The following MGMT variants were observed in gnomAD, a reference collection of about 807,000 sequenced individuals.
MGMT encodes the protein O-6-methylguanine-DNA methyltransferase, also known as methylated-DNA--protein-cysteine methyltransferase.
In MGMT, 14 loss-of-function variants were observed where a neutral mutation model predicts 15.9. The observed-to-expected ratio is 0.88, with a 90% CI of 0.58 to 1.37. The LOEUF is 1.37. Ranked by LOEUF, MGMT falls within the 40% of genes most tolerant of loss-of-function variation. The pLI is 0.00. For missense variants in MGMT, 282 were observed against 268.1 expected (o/e 1.05, Z -0.36); for synonymous variants, 130 against 118.2 (o/e 1.10, Z -0.65).
chr10:129,600,610 A>T (rs2133060843), intron 2 of MGMT, among the ~76,000 whole-genome samples: 1 of 152,328 alleles, frequency 6.6e-6, no homozygotes, highest in Admixed American at 6.5e-5. Flanking sequence ...AACACCCATT[A>T]CTTTCATTGG....
rs11016900 is a variant in MGMT, at chr10:129,733,813, G to T, written c.275-25389G>T. Among the ~76,000 whole-genome samples the T allele has an allele frequency of 6.6e-5, 10 of 152,302 alleles. No individual in the cohort carries two copies. The East Asian group carries it at 1.7e-3, about 26-fold the overall frequency. The stretch of plus-strand genomic sequence containing the variant: ...TTTTCCCAGCACCATTTATTAAATA[G>T]GGAATACTTTCCCCATTGCTTGTTT... On this transcript the variant is annotated intron_variant, in intron 3 of 4. Coordinates refer to ENST00000651593, the MANE Select transcript of MGMT (RefSeq NM_002412.5).
intron 1 of MGMT, among the ~76,000 whole-genome samples, chr10:129,511,455 T>C (rs2119698702): frequency 6.7e-6 from 1 of 150,046 alleles, no homozygotes; most frequent in African/African-American, 2.5e-5. Context: ...CTTCATGTGA[T>C]GGGAACCCCG....
At chr10:129,747,729 C>A (rs1057288631) in intron 3 of MGMT, among the ~76,000 whole-genome samples, 3 of 152,128 alleles carry the variant, frequency 2.0e-5, no homozygotes, top group Non-Finnish European at 4.4e-5. Flanking sequence ...TACCTACTGC[C>A]CTTCTTCCAT....
intron 2 of MGMT, among the ~76,000 whole-genome samples, chr10:129,644,243 C>G (rs1012200108): frequency 6.6e-6 from 1 of 152,222 alleles, no homozygotes; most frequent in Non-Finnish European, 1.5e-5. Context: ...AACTCTCTAG[C>G]AAATCCTAGA....
Position 129,667,599 on chromosome 10 carries a change from C to G in MGMT, c.126-40296C>G, listed in dbSNP as rs189113248. On this transcript the variant is annotated intron_variant, in intron 2 of 4. Transcript: ENST00000651593. Reference sequence around the variant, plus strand: ...TGCCTGTGGTCATTCCTGCCTGCCTCTTGATGCACACAGGCACGCATTTCT... The same window carrying G: ...TGCCTGTGGTCATTCCTGCCTGCCTGTTGATGCACACAGGCACGCATTTCT... Among the ~76,000 whole-genome samples, 181 of 152,280 alleles carry G rather than the reference C, an allele frequency of 1.2e-3. 1 individual carries two copies. The highest frequency in any genetic ancestry group is 2.3e-3 in the Non-Finnish European group (159 of 68,024).
chr10:129,735,686 T>C (rs1436004842), intron 3 of MGMT, among the ~76,000 whole-genome samples: 2 of 113,390 alleles, frequency 1.8e-5, no homozygotes, highest in Non-Finnish European at 3.6e-5. Flanking sequence ...CTGCTTTCTC[T>C]TGTGGGCATT....
intron 1 of MGMT, among the ~76,000 whole-genome samples, chr10:129,531,795 T>TG (rs1172114078): frequency 3.9e-5 from 1 of 25,776 alleles, no homozygotes; most frequent in Non-Finnish European, 8.1e-5. Context: ...TGGGGGGGGG[T>TG]GGGGGTTTGT....
intron 2 of MGMT, among the ~76,000 whole-genome samples, chr10:129,594,910 C>G (rs907488938): frequency 6.6e-6 from 1 of 152,210 alleles, no homozygotes; most frequent in Non-Finnish European, 1.5e-5. Context: ...TGCCGGCACA[C>G]CCGTCACGCC....
intron 2 of MGMT, among the ~76,000 whole-genome samples, chr10:129,573,102 C>G (rs1432970931): frequency 1.3e-5 from 2 of 151,912 alleles, no homozygotes; most frequent in Non-Finnish European, 2.9e-5. Context: ...AACATTTTTC[C>G]TTATTTTCAT....
At chr10:129,598,526 A>G (rs1282468675) in intron 2 of MGMT, among the ~76,000 whole-genome samples, 2 of 152,182 alleles carry the variant, frequency 1.3e-5, no homozygotes, top group Non-Finnish European at 2.9e-5. Flanking sequence ...AGGAAGTTAA[A>G]GTGGAAAACT....
chr10:129,733,439 A>T (rs895708666), intron 3 of MGMT, among the ~76,000 whole-genome samples: 5 of 150,156 alleles, frequency 3.3e-5, no homozygotes, highest in Middle Eastern at 6.9e-3. Context: ...GTTTGAGTTC[A>T]TTGTAGATTC....
chr10:129,756,502 C>G lies in MGMT; in HGVS notation c.275-2700C>G, dbSNP rs557654309. 7.2e-5 allele frequency among the ~76,000 whole-genome samples: 11 copies of G among 152,304 alleles called. No individual in the cohort carries two copies. In the East Asian group the frequency reaches 2.1e-3, roughly 29 times the overall value. ...TTTTGTTTTTTGAGACGGAGTCTCG[C>G]TCTGTCGCCCAGGCTGGAGCGCAGT... On this transcript the variant is annotated intron_variant, in intron 3 of 4. Coordinates refer to ENST00000651593, the MANE Select transcript of MGMT (RefSeq NM_002412.5).
At chr10:129,732,180 G>A (rs1001160709) in intron 3 of MGMT, among the ~76,000 whole-genome samples, 2 of 151,934 alleles carry the variant, frequency 1.3e-5, no homozygotes, top group Non-Finnish European at 2.9e-5. Context: ...TATACTTTAA[G>A]TTCTAGGGTA....
chr10:129,669,073 GT>G (rs1042235948), intron 2 of MGMT, among the ~76,000 whole-genome samples: 5 of 152,296 alleles, frequency 3.3e-5, no homozygotes, highest in Admixed American at 1.3e-4. Context: ...TTCCTTAAGT[GT>G]TTGTTGGAGC....
intron 2 of MGMT, among the ~76,000 whole-genome samples, chr10:129,634,390 A>G (rs574274793): frequency 2.0e-5 from 3 of 152,314 alleles, no homozygotes; most frequent in South Asian, 4.1e-4. Flanking sequence ...GTTTGCATCA[A>G]ATTGGAAAAT....
chr10:129,641,007 C>T (rs1847322360), intron 2 of MGMT, among the ~76,000 whole-genome samples: 1 of 152,160 alleles, frequency 6.6e-6, no homozygotes. Flanking sequence ...CTTCCTACAG[C>T]TATTCAGTGG....
At chr10:129,530,924 C>A (rs1320154122) in intron 1 of MGMT, among the ~76,000 whole-genome samples, 3 of 152,210 alleles carry the variant, frequency 2.0e-5, no homozygotes, top group South Asian at 2.1e-4. Context: ...GCTGCCCACA[C>A]TCTCCCCCCG....
In MGMT at chr10:129,533,175, T is replaced by C. The variant is rs1845951035; in HGVS notation, c.-12-3066T>C. 6.6e-6 allele frequency among the ~76,000 whole-genome samples: 1 copy of C among 152,246 alleles called. No individual in the cohort carries two copies. The highest frequency in any genetic ancestry group is 2.4e-5 in the African/African-American group (1 of 41,470). The stretch of plus-strand genomic sequence containing the variant: ...CCCACAGATGTTTCCTGAAGCTTGA[T>C]TTTGGCTGTGATTGGAGCGTGGCCA... On this transcript the variant is annotated intron_variant, in intron 1 of 4. Coordinates refer to ENST00000651593, the MANE Select transcript of MGMT (RefSeq NM_002412.5). The surrounding 1 kb of genome is among the most constrained non-coding windows in gnomAD (Gnocchi z 4.5).
At chr10:129,697,867 G>A (rs995743628) in intron 2 of MGMT, among the ~76,000 whole-genome samples, 6 of 152,288 alleles carry the variant, frequency 3.9e-5, no homozygotes, top group African/African-American at 1.4e-4. Context: ...CTCACTGGTG[G>A]TTCAGTTCTT....
Sources: gnomAD v4.1 joint callset for allele counts (sites outside exome capture counted in the v4.1 genomes callset) on GRCh38, gnomAD v4.1.1 for gene constraint, Gnocchi (gnomAD v3.1) non-coding constraint, MANE v1.5 for transcripts, NCBI Gene and HGNC (gene_info 2026-07-23, HGNC 2026-07-21) for gene names.